The following CCDC170 variants were observed in gnomAD, a reference collection of about 807,000 sequenced individuals.
CCDC170 encodes coiled-coil domain containing 170, also known as coiled-coil domain-containing protein 170.
CCDC170 carries 69 observed loss-of-function variants against 72.6 expected under a neutral mutation model. The observed-to-expected ratio is 0.95, with a 90% CI of 0.78 to 1.16. CCDC170 has a LOEUF of 1.16. CCDC170 is among the 50% of genes most tolerant of loss of function. CCDC170 has a pLI of 0.00. For synonymous variants in CCDC170, 300 were observed against 303.9 expected (o/e 0.99, Z 0.13); for missense variants, 852 against 832.5 (o/e 1.02, Z -0.29).
intron 5 of CCDC170, among the ~76,000 whole-genome samples, chr6:151,567,808 C>G (rs1776159307): frequency 6.6e-6 from 1 of 151,976 alleles, no homozygotes; most frequent in African/African-American, 2.4e-5. Flanking sequence ...GTACATACTT[C>G]ATTCAAAAAT....
chr6:151,551,701 T>A (rs1208642262), intron 5 of CCDC170, among the ~76,000 whole-genome samples: 1 of 152,126 alleles, frequency 6.6e-6, no homozygotes, highest in African/African-American at 2.4e-5. Context: ...AGCTACCATG[T>A]GAGTGAGCCC....
At chr6:151,616,251 C>A (rs549314090) in intron 10 of CCDC170, among the ~76,000 whole-genome samples, 17 of 152,158 alleles carry the variant, frequency 1.1e-4, no homozygotes, top group African/African-American at 4.1e-4. Context: ...CAGTGGCACC[C>A]AGACTTGATG....
Position 151,596,426 on chromosome 6 carries a change from C to G in CCDC170, c.1559C>G (p.Ala520Gly). 6.2e-7 allele frequency: 1 copy of G among 1,614,160 alleles called. No homozygotes were observed. The highest frequency in any genetic ancestry group is 8.5e-7 in the Non-Finnish European group (1 of 1,180,028). The change falls in exon 9 of 11, where the codon GCA (alanine) becomes GGA (glycine). Residue 520 changes from alanine (A) to glycine (G), a missense_variant. By Grantham distance (60) the Ala-to-Gly change is moderately conservative. Transcript: ENST00000239374. ...KIAQLEEEKQ[A>G]RTALVVERDN... ...GCCCAGCTGGAGGAGGAGAAGCAGG[C>G]ACGCACGGCCTTGGTGGTTGAGAGG...
chr6:151,593,284 G>C lies in CCDC170; in HGVS notation c.1467+4G>C, dbSNP rs753680806. 6 of 1,611,500 alleles carry C rather than the reference G, an allele frequency of 3.7e-6. No homozygotes were observed. Among genetic ancestry groups the C allele is most frequent in the Non-Finnish European group, 5.1e-6 (6 of 1,178,188 alleles). On this transcript the variant is annotated splice_donor_region_variant and intron_variant, in intron 8 of 10. Transcript: ENST00000239374. The stretch of plus-strand genomic sequence containing the variant: ...TGCCCACAATTTGCAGAGAAAGGTA[G>C]GAGATATTGAAACTTGCTAGTATTG...
intron 9 of CCDC170, among the ~76,000 whole-genome samples, chr6:151,598,093 G>A (rs551933359): frequency 3.3e-5 from 5 of 152,138 alleles, no homozygotes; most frequent in African/African-American, 1.2e-4. Flanking sequence ...AGGGGAGAAC[G>A]GGCACCCCCC....
At chr6:151,547,010 A>AAT (rs1782784351) in intron 4 of CCDC170, among the ~76,000 whole-genome samples, 1 of 150,994 alleles carries the variant, frequency 6.6e-6, no homozygotes, top group African/African-American at 2.4e-5. Flanking sequence ...AAAAAAAAAA[A>AAT]ATTGGCCCAG....
chr6:151,593,415 G>C, intron 8 of CCDC170, 135 bp downstream of exon 8: 1 of 945,958 alleles, frequency 1.1e-6, no homozygotes, highest in Non-Finnish European at 1.5e-6. Context: ...TTTAGAATTG[G>C]AGGCTCAATT....
intron 7 of CCDC170, among the ~76,000 whole-genome samples, chr6:151,587,847 C>CT (rs1436127462): frequency 6.6e-6 from 1 of 152,080 alleles, no homozygotes; most frequent in Non-Finnish European, 1.5e-5. Flanking sequence ...GGAGCAATGA[C>CT]TTTTTTTCTG....
chr6:151,562,256 C>T (rs1164929676), intron 5 of CCDC170, among the ~76,000 whole-genome samples: 1 of 152,196 alleles, frequency 6.6e-6, no homozygotes, highest in Non-Finnish European at 1.5e-5. Flanking sequence ...CGTGAGAGAG[C>T]TAGTGCAATG....
chr6:151,602,258 TG>T (rs888327166), intron 9 of CCDC170, among the ~76,000 whole-genome samples: 47 of 152,300 alleles, frequency 3.1e-4, no homozygotes, highest in African/African-American at 1.1e-3. Flanking sequence ...GCAAGTAAAA[TG>T]TTTTTTCACG....
At chr6:151,589,846 C>T (rs1443136599) in intron 7 of CCDC170, among the ~76,000 whole-genome samples, 1 of 152,192 alleles carries the variant, frequency 6.6e-6, no homozygotes, top group African/African-American at 2.4e-5. Context: ...GCCTCTCCAT[C>T]TTCCCTCTCC....
Position 151,557,964 on chromosome 6 carries a change from G to T in CCDC170, c.774+9475G>T, listed in dbSNP as rs555984150. On this transcript the variant is annotated intron_variant, in intron 5 of 10. Coordinates refer to ENST00000239374, the MANE Select transcript of CCDC170 (RefSeq NM_025059.4). ...AAACACAAAAAATCAGCTGGACGTG[G>T]TGATACACACTTGTAATCCCAGCTA... Among the ~76,000 whole-genome samples the T allele has an allele frequency of 1.1e-4, 17 of 152,270 alleles. No homozygotes were observed. The South Asian group carries it at 3.5e-3, about 32-fold the overall frequency.
At chr6:151,525,280 T>G (rs182502040) in intron 1 of CCDC170, among the ~76,000 whole-genome samples, 120 of 152,270 alleles carry the variant, frequency 7.9e-4, no homozygotes, top group Non-Finnish European at 1.6e-3. Context: ...ATGAATGTAC[T>G]ATATGTCAGG....
At chr6:151,520,310 C>T (rs750690672) in intron 1 of CCDC170, among the ~76,000 whole-genome samples, 9 of 152,200 alleles carry the variant, frequency 5.9e-5, no homozygotes, top group Non-Finnish European at 1.2e-4. Flanking sequence ...TCAGTGGGAA[C>T]TGTGATCGGC....
chr6:151,606,110 C>G (rs1776778984), intron 9 of CCDC170, among the ~76,000 whole-genome samples: 1 of 152,118 alleles, frequency 6.6e-6, no homozygotes, highest in Non-Finnish European at 1.5e-5. Flanking sequence ...GCATTTTGGC[C>G]AGCATGGTCT....
intron 1 of CCDC170, among the ~76,000 whole-genome samples, chr6:151,533,082 C>T (rs1451363358): frequency 7.1e-6 from 1 of 140,988 alleles, no homozygotes; most frequent in Non-Finnish European, 1.5e-5. Context: ...GAGATGGAGT[C>T]TCGCTCTGTC....
At chr6:151,499,200 C>T (rs9397417) in intron 1 of CCDC170, among the ~76,000 whole-genome samples, 608 of 58,936 alleles carry the variant, frequency 0.01, no homozygotes, top group Middle Eastern at 0.079. Context: ...AGGCACGCTG[C>T]ATAAGTGGAA....
intron 5 of CCDC170, among the ~76,000 whole-genome samples, chr6:151,570,576 G>A (rs1776203032): frequency 2.6e-5 from 4 of 152,140 alleles, no homozygotes; most frequent in Admixed American, 2.6e-4. Context: ...GCTTATATGA[G>A]AATATTATTC....
intron 6 of CCDC170, among the ~76,000 whole-genome samples, chr6:151,581,320 T>C (rs1776376449): frequency 6.6e-6 from 1 of 152,232 alleles, no homozygotes. Context: ...ATTCTAAATG[T>C]TTATTGTCAT....
Sources: gnomAD v4.1 joint callset for allele counts (sites outside exome capture counted in the v4.1 genomes callset) on GRCh38, gnomAD v4.1.1 for gene constraint, MANE v1.5 for transcripts, NCBI Gene and HGNC (gene_info 2026-07-23, HGNC 2026-07-21) for gene names.